Variants in PLAC8L1 observed in about 807,000 individuals in gnomAD.
PLAC8L1 encodes the protein PLAC8 like 1.
PLAC8L1 carries 13 observed loss-of-function variants against 16.3 expected under a neutral mutation model. The ratio of observed to expected loss-of-function variants is 0.80; its 90% CI spans 0.52 to 1.27. PLAC8L1 has a LOEUF of 1.27. PLAC8L1 is among the 50% of genes most tolerant of loss of function. PLAC8L1 has a pLI of 0.00. For synonymous variants in PLAC8L1, 78 were observed against 79.3 expected (o/e 0.98, Z 0.09); for missense variants, 184 against 220.2 (o/e 0.84, Z 1.04).
chr5:146,097,254 G>C (rs956289735), intron 2 of PLAC8L1, among the ~76,000 whole-genome samples: 1 of 152,148 alleles, frequency 6.6e-6, no homozygotes, highest in African/African-American at 2.4e-5. Context: ...CTAAGCCCAG[G>C]GGGGAATCAT....
chr5:146,104,111 C>T, intron 1 of PLAC8L1, 82 bp downstream of exon 1: 1 of 1,530,590 alleles, frequency 6.5e-7, no homozygotes, highest in Non-Finnish European at 8.8e-7. Context: ...TTTTCTTTTC[C>T]CTGGTTCCTT....
At position 146,101,405 on chromosome 5, in the gene PLAC8L1, A is replaced by G. The variant is rs115712818; in HGVS notation, c.119+2788T>C. On this transcript the variant is annotated intron_variant, in intron 1 of 3. Coordinates refer to ENST00000311450, the MANE Select transcript of PLAC8L1 (RefSeq NM_001029869.3). ...TTCTCTTGTTTAAGCCACACAGCCT[A>G]TGGTATTTTGCTACGGCAACCGAAA... Among the ~76,000 whole-genome samples the G allele has an allele frequency of 2.2e-3, 330 of 152,224 alleles. 3 individuals are homozygous for G. Among genetic ancestry groups the G allele is most frequent in the African/African-American group, 7.7e-3 (321 of 41,512 alleles).
rs146513477 is a variant in PLAC8L1 at position 146,099,696 on chromosome 5, T to C, written c.120-1404A>G. On this transcript the variant is annotated intron_variant, in intron 1 of 3. Coordinates refer to ENST00000311450, the MANE Select transcript of PLAC8L1 (RefSeq NM_001029869.3). The stretch of plus-strand genomic sequence containing the variant: ...AAAAAAAAAAAAGTTGTTGCAGTAA[T>C]AGTTGCCAAAATTCAGCACCTGGGA... 1.2e-3 allele frequency among the ~76,000 whole-genome samples: 176 copies of C among 143,782 alleles called. 2 individuals are homozygous for C. Among genetic ancestry groups the C allele is most frequent in the African/African-American group, 4.5e-3 (172 of 38,588 alleles). The allele number at this position is 143,782 out of a possible 152,430, so 94.3% of individuals were successfully genotyped here.
chr5:146,084,468 G>C lies in PLAC8L1; in HGVS notation c.498C>G (p.Ile166Met), dbSNP rs143185618. Residue 166 changes from isoleucine to methionine, a missense_variant, in exon 4 of 4, where the codon ATC becomes ATG. Ile to Met is a conservative substitution (Grantham distance 10, BLOSUM62 1). Coordinates refer to ENST00000311450, the MANE Select transcript of PLAC8L1 (RefSeq NM_001029869.3). ...TGTCCTTAGTCATTGGGACTGCACA[G>C]ATTTCATAGACTTGGGAGGTCCTCA... ...LKMRTSQVYEICAVPMTKDTL... is the reference protein window; with the variant it reads ...LKMRTSQVYEMCAVPMTKDTL... 3.7e-5 allele frequency: 59 copies of C among 1,614,122 alleles called. No homozygotes were observed. The highest frequency in any genetic ancestry group is 3.3e-4 in the Middle Eastern group (2 of 6,082).
chr5:146,088,087 T>A (rs1463901235), intron 2 of PLAC8L1, among the ~76,000 whole-genome samples: 5 of 152,164 alleles, frequency 3.3e-5, no homozygotes, highest in Admixed American at 3.3e-4. Flanking sequence ...GTGATTACAA[T>A]CCTATGAGAT....
At position 146,104,275 on chromosome 5, in the gene PLAC8L1, C is replaced by G; in HGVS notation, c.37G>C (p.Glu13Gln). Residue 13 changes from glutamate to glutamine, a missense_variant, in exon 1 of 4, where the codon GAG becomes CAG. Coordinates refer to ENST00000311450, the MANE Select transcript of PLAC8L1 (RefSeq NM_001029869.3). ...WFGSNFFRCP[E>Q]DLSLLNIYSP... The stretch of plus-strand genomic sequence containing the variant: ...TATATGTTGAGTAAGGAAAGATCCT[C>G]AGGACACCTGAAGAAGTTACTTCCA... The G allele has an allele frequency of 1.9e-6, 3 of 1,613,742 alleles. No individual in the cohort carries two copies. Among genetic ancestry groups the G allele is most frequent in the Non-Finnish European group, 2.5e-6 (3 of 1,179,692 alleles).
chr5:146,100,591 A>G (rs988139746), intron 1 of PLAC8L1, among the ~76,000 whole-genome samples: 2 of 152,238 alleles, frequency 1.3e-5, no homozygotes, highest in Admixed American at 1.3e-4. Context: ...CCAAATATGA[A>G]TGGTTGCTAA....
chr5:146,091,923 C>T (rs564809259), intron 2 of PLAC8L1, among the ~76,000 whole-genome samples: 39 of 150,856 alleles, frequency 2.6e-4, no homozygotes, highest in African/African-American at 9.5e-4. Flanking sequence ...TTTTAAGAAG[C>T]TCAGGTTCAA....
At chr5:146,084,682 C>T in intron 3 of PLAC8L1, 110 bp from the exon 4 acceptor site, 2 of 1,393,940 alleles carry the variant, frequency 1.4e-6, no homozygotes, top group Admixed American at 2.2e-5. Flanking sequence ...TTCCAAGGTT[C>T]ACCAACATCC....
At chr5:146,101,196 CAAAAA>C (rs35143616) in intron 1 of PLAC8L1, among the ~76,000 whole-genome samples, 46 of 82,158 alleles carry the variant, frequency 5.6e-4, no homozygotes, top group Admixed American at 8.8e-4. Flanking sequence ...GACCCTGTCT[CAAAAA>C]AAAAAAAAAA....
chr5:146,097,347 G>C (rs1763734125), intron 2 of PLAC8L1, among the ~76,000 whole-genome samples: 1 of 152,182 alleles, frequency 6.6e-6, no homozygotes, highest in Non-Finnish European at 1.5e-5. Flanking sequence ...AATCAAGGAA[G>C]GGAGTTTCTT....
rs1335614707 is a variant in PLAC8L1, at chr5:146,084,477, G to C, written c.489C>G (p.Val163=). 1 of 1,614,180 alleles carries C rather than the reference G, an allele frequency of 6.2e-7. No homozygotes were observed. Residue 163 remains valine (V), a synonymous_variant, in exon 4 of 4, where the codon GTC becomes GTG. Coordinates refer to ENST00000311450, the MANE Select transcript of PLAC8L1 (RefSeq NM_001029869.3). The part of the protein sequence containing the change: ...ARELKMRTSQ[V]YEICAVPMTK... ...TCATTGGGACTGCACAGATTTCATAGACTTGGGAGGTCCTCATCTTGAGTT... is the reference window on the plus strand; with the variant it reads ...TCATTGGGACTGCACAGATTTCATACACTTGGGAGGTCCTCATCTTGAGTT...
At chr5:146,100,234 T>A (rs573885778) in intron 1 of PLAC8L1, among the ~76,000 whole-genome samples, 1 of 152,254 alleles carries the variant, frequency 6.6e-6, no homozygotes, top group South Asian at 2.1e-4. Flanking sequence ...AGTCTCAATG[T>A]CAGTGAGAAT....
chr5:146,085,402 G>A, intron 3 of PLAC8L1, 59 bp downstream of exon 3: 1 of 1,528,142 alleles, frequency 6.5e-7, no homozygotes, highest in Non-Finnish European at 8.9e-7. Flanking sequence ...TCACAGGTTT[G>A]GAAGGCATCT....
chr5:146,103,807 T>G (rs569927827), intron 1 of PLAC8L1: 1 of 985,448 alleles, frequency 1.0e-6, no homozygotes, highest in Non-Finnish European at 1.2e-6. Context: ...TAATCACACT[T>G]GGAGTATTGT....
chr5:146,095,724 T>C (rs1314467935), intron 2 of PLAC8L1, among the ~76,000 whole-genome samples: 1 of 152,178 alleles, frequency 6.6e-6, no homozygotes, highest in Non-Finnish European at 1.5e-5. Context: ...GGACTATCAT[T>C]CAGAGAACCG....
chr5:146,088,364 T>C (rs1032994894), intron 2 of PLAC8L1, among the ~76,000 whole-genome samples: 2 of 152,210 alleles, frequency 1.3e-5, no homozygotes, highest in Non-Finnish European at 2.9e-5. Context: ...TGTCTTTTAG[T>C]GCACCAGACA....
chr5:146,100,435 T>A (rs1009603551), intron 1 of PLAC8L1, among the ~76,000 whole-genome samples: 1 of 151,924 alleles, frequency 6.6e-6, no homozygotes, highest in African/African-American at 2.4e-5. Flanking sequence ...AAAAAAAAAA[T>A]TGGCTCCAAA....
chr5:146,095,267 A>T (rs1763691431), intron 2 of PLAC8L1, among the ~76,000 whole-genome samples: 1 of 152,182 alleles, frequency 6.6e-6, no homozygotes, highest in Non-Finnish European at 1.5e-5. Flanking sequence ...TTCAGAATTC[A>T]TGCCAATTGT....
Sources: allele counts gnomAD v4.1 joint callset (sites outside exome capture counted in the v4.1 genomes callset), GRCh38; gene constraint gnomAD v4.1.1; transcripts MANE v1.5; gene names NCBI Gene and HGNC (gene_info 2026-07-23, HGNC 2026-07-21).